Variants in ZBTB44 observed in about 807,000 individuals in gnomAD.
ZBTB44 encodes the protein zinc finger and BTB domain-containing protein 44.
In ZBTB44, 15 loss-of-function variants were observed where a neutral mutation model predicts 54.0. The observed-to-expected ratio is 0.28, with a 90% CI of 0.19 to 0.43. ZBTB44 has a LOEUF of 0.43. ZBTB44 is among the 20% of genes least tolerant of loss of function. The pLI, the probability that ZBTB44 is intolerant of heterozygous loss-of-function variation, is 1.00. For missense variants in ZBTB44, 487 were observed against 707.1 expected (o/e 0.69, Z 3.53); for synonymous variants, 230 against 250.1 (o/e 0.92, Z 0.76).
At chr11:130,279,204 G>A (rs1940330366) in intron 1 of ZBTB44, among the ~76,000 whole-genome samples, 1 of 151,264 alleles carries the variant, frequency 6.6e-6, no homozygotes, top group Non-Finnish European at 1.5e-5. Context: ...GATCCACAGA[G>A]AGGTACATTT....
At chr11:130,264,709 A>G (rs554147915) in intron 1 of ZBTB44, among the ~76,000 whole-genome samples, 2 of 152,250 alleles carry the variant, frequency 1.3e-5, no homozygotes, top group African/African-American at 4.8e-5. Flanking sequence ...GTCTGCAGAA[A>G]CTCAGGCCCA....
Position 130,254,398 on chromosome 11 carries a change from T to C in ZBTB44, c.1018+6458A>G, listed in dbSNP as rs559269738. The stretch of plus-strand genomic sequence containing the variant: ...AAAAAAACAAACAACAACAACCCCA[T>C]CAGAAAGTGGGAGAAGGATATGAAC... On this transcript the variant is annotated intron_variant, in intron 2 of 7. Transcript: ENST00000357899. 1.4e-4 allele frequency among the ~76,000 whole-genome samples: 22 copies of C among 151,960 alleles called. No individual in the cohort carries two copies. The East Asian group carries it at 4.3e-3, about 29-fold the overall frequency.
intron 2 of ZBTB44, among the ~76,000 whole-genome samples, chr11:130,247,310 C>T (rs959418186): frequency 1.1e-4 from 17 of 152,164 alleles, no homozygotes; most frequent in African/African-American, 3.1e-4. Context: ...CTTGTTGCTT[C>T]GTCCTGGGAT....
rs1241307199 is a variant in ZBTB44 at position 130,228,781 on chromosome 11, C to A, written c.*2983G>T. 6.6e-6 allele frequency: 1 copy of A among 152,110 alleles called. No individual in the cohort carries two copies. The highest frequency in any genetic ancestry group is 1.5e-5 in the Non-Finnish European group (1 of 68,036). 9.4% of individuals were successfully genotyped at this position (152,110 alleles called of 1,614,324 possible). The stretch of plus-strand genomic sequence containing the variant: ...AAAACAAGGGCCTTTTAATAAAAGT[C>A]CTGACACTGGAGCTCCTCCCACCAC... On this transcript the variant is annotated 3_prime_UTR_variant, in exon 8 of 8. Transcript: ENST00000357899.
intron 3 of ZBTB44, 28 bp downstream of exon 3, chr11:130,239,784 G>A (rs1954273762): frequency 3.2e-6 from 5 of 1,583,196 alleles, no homozygotes; most frequent in African/African-American, 2.7e-5. Context: ...ACCCTTAAGA[G>A]GTAACGAAAT....
chr11:130,297,160 G>A (rs1592060464), intron 1 of ZBTB44, among the ~76,000 whole-genome samples: 2 of 152,118 alleles, frequency 1.3e-5, no homozygotes, highest in Non-Finnish European at 2.9e-5. Context: ...TATCTAACAA[G>A]AGCATAAATT....
rs1269981255 is a variant in ZBTB44, at chr11:130,297,358, T to C, written c.-57+17017A>G. ...ATACACACAAATGTATGTTACTGTT[T>C]TAATATAATTAAATTTTTGTACCTT... On this transcript the variant is annotated intron_variant, in intron 1 of 7. Coordinates refer to ENST00000357899, the MANE Select transcript of ZBTB44 (RefSeq NM_001301098.2). 2.0e-5 allele frequency among the ~76,000 whole-genome samples: 3 copies of C among 152,260 alleles called. No homozygotes were observed. In the East Asian group the frequency reaches 5.8e-4, roughly 29 times the overall value.
intron 1 of ZBTB44, among the ~76,000 whole-genome samples, chr11:130,275,329 A>G (rs1442283459): frequency 6.6e-6 from 1 of 152,120 alleles, no homozygotes; most frequent in Non-Finnish European, 1.5e-5. Flanking sequence ...TCACCATAGA[A>G]CATTTTCTTT....
intron 1 of ZBTB44, among the ~76,000 whole-genome samples, chr11:130,272,711 T>C (rs1020100005): frequency 2.1e-4 from 32 of 152,186 alleles, no homozygotes; most frequent in African/African-American, 7.0e-4. Context: ...TCAAGGAGTT[T>C]TAAAGTTTCA....
intron 1 of ZBTB44, among the ~76,000 whole-genome samples, chr11:130,280,493 T>C (rs566591034): frequency 6.6e-6 from 1 of 152,296 alleles, no homozygotes; most frequent in South Asian, 2.1e-4. Flanking sequence ...TACAAGGCCC[T>C]AATCTTAGAG....
intron 1 of ZBTB44, among the ~76,000 whole-genome samples, chr11:130,312,941 CAGAG>C (rs1445984915): frequency 5.3e-5 from 8 of 152,162 alleles, no homozygotes; most frequent in Non-Finnish European, 1.2e-4. Flanking sequence ...TACACACATA[CAGAG>C]AAAGACAGGA....
intron 3 of ZBTB44, chr11:130,238,842 G>A (rs1295923636): frequency 2.6e-6 from 1 of 387,230 alleles, no homozygotes; most frequent in African/African-American, 2.1e-5. Context: ...GTCATATCGT[G>A]TAGGGCTTTA....
chr11:130,254,220 G>C (rs1223658300), intron 2 of ZBTB44, among the ~76,000 whole-genome samples: 1 of 152,106 alleles, frequency 6.6e-6, no homozygotes, highest in African/African-American at 2.4e-5. Context: ...TGACAAATGG[G>C]ATCTAATTAA....
chr11:130,297,020 C>G (rs1941693921), intron 1 of ZBTB44: 1 of 713,410 alleles, frequency 1.4e-6, no homozygotes, highest in Non-Finnish European at 2.6e-6. Flanking sequence ...AACACATTAG[C>G]AAGAAATCAT....
At chr11:130,301,849 G>A (rs1413143377) in intron 1 of ZBTB44, among the ~76,000 whole-genome samples, 1 of 152,022 alleles carries the variant, frequency 6.6e-6, no homozygotes, top group Non-Finnish European at 1.5e-5. Flanking sequence ...AGGAGTTTGA[G>A]ACCAGCCAAT....
chr11:130,256,346 C>T (rs145429685), intron 2 of ZBTB44, among the ~76,000 whole-genome samples: 252 of 152,238 alleles, frequency 1.7e-3, no homozygotes, highest in African/African-American at 5.8e-3. Flanking sequence ...ACAAAAACCA[C>T]GATTATCTCA....
At chr11:130,269,842 C>A (rs898240298) in intron 1 of ZBTB44, among the ~76,000 whole-genome samples, 2 of 151,896 alleles carry the variant, frequency 1.3e-5, no homozygotes, top group African/African-American at 4.8e-5. Flanking sequence ...TCCAAGATAG[C>A]CAAGAGGATT....
At chr11:130,293,390 C>T (rs932697209) in intron 1 of ZBTB44, among the ~76,000 whole-genome samples, 4 of 149,928 alleles carry the variant, frequency 2.7e-5, no homozygotes, top group African/African-American at 9.8e-5. Context: ...AGGAGGATCA[C>T]TTGAGCCTGG....
intron 1 of ZBTB44, among the ~76,000 whole-genome samples, chr11:130,263,865 T>G (rs1003756552): frequency 1.1e-4 from 16 of 152,206 alleles, no homozygotes; most frequent in African/African-American, 3.6e-4. Context: ...CTTCAAGGCA[T>G]GCTGATCCTT....
Sources: allele counts gnomAD v4.1 joint callset (sites outside exome capture counted in the v4.1 genomes callset), GRCh38; gene constraint gnomAD v4.1.1; transcripts MANE v1.5; gene names NCBI Gene and HGNC (gene_info 2026-07-23, HGNC 2026-07-21).